Variants in PREX2 observed in about 807,000 individuals in gnomAD.
The protein encoded by PREX2 is phosphatidylinositol-3,4,5-trisphosphate dependent Rac exchange factor 2.
In PREX2, 107 loss-of-function variants were observed where a neutral mutation model predicts 203.2. That is an observed-to-expected ratio of 0.53 (90% confidence interval 0.45 to 0.62). The LOEUF (loss-of-function observed/expected upper bound fraction) is 0.62. Ranked by LOEUF, PREX2 falls within the 20% of genes least tolerant of loss-of-function variation. PREX2 has a pLI of 0.00. For synonymous variants in PREX2, 672 were observed against 663.6 expected, an observed-to-expected ratio of 1.01 and a Z score of -0.19; for missense variants, 1,777 against 1,955.9, an observed-to-expected ratio of 0.91 and a Z score of 1.72.
intron 37 of PREX2, among the ~76,000 whole-genome samples, chr8:68,208,712 C>T (rs1188685992): frequency 6.6e-6 from 1 of 152,058 alleles, no homozygotes; most frequent in East Asian, 1.9e-4. Flanking sequence ...AACTAATCTG[C>T]CTCAGGCTTT....
At chr8:68,204,496 T>C (rs1812569851) in intron 37 of PREX2, among the ~76,000 whole-genome samples, 1 of 152,136 alleles carries the variant, frequency 6.6e-6, no homozygotes, top group South Asian at 2.1e-4. Flanking sequence ...TTCAATTCGA[T>C]TGCTTTTTTG....
chr8:67,990,226 T>A (rs2129609455), intron 1 of PREX2, among the ~76,000 whole-genome samples: 1 of 152,250 alleles, frequency 6.6e-6, no homozygotes, highest in Admixed American at 6.5e-5. Flanking sequence ...CCTCAAGTGA[T>A]CTGCCCATCT....
At chr8:68,092,064 G>A (rs1165435841) in intron 20 of PREX2, among the ~76,000 whole-genome samples, 3 of 152,128 alleles carry the variant, frequency 2.0e-5, no homozygotes, top group East Asian at 1.9e-4. Flanking sequence ...TCCCCTGTTC[G>A]TGGCCTCTGT....
chr8:67,961,454 A>G (rs1805630550), intron 1 of PREX2, among the ~76,000 whole-genome samples: 1 of 152,108 alleles, frequency 6.6e-6, no homozygotes, highest in Admixed American at 6.5e-5. Context: ...AATTTATTAA[A>G]ATTATATTAG....
chr8:68,229,974 G>A (rs1813134318), intron 39 of PREX2, among the ~76,000 whole-genome samples: 7 of 152,208 alleles, frequency 4.6e-5, no homozygotes, highest in Admixed American at 4.6e-4. Flanking sequence ...CTCTGGGAAG[G>A]ATGAAATAAG....
chr8:68,110,635 A>G (rs1230966999), intron 25 of PREX2, among the ~76,000 whole-genome samples: 1 of 152,178 alleles, frequency 6.6e-6, no homozygotes, highest in Non-Finnish European at 1.5e-5. Context: ...ATCATCCTGT[A>G]CTTCATGGAT....
At chr8:68,106,241 G>A in intron 23 of PREX2, 1 of 479,486 alleles carries the variant, frequency 2.1e-6, no homozygotes, top group Non-Finnish European at 4.0e-6. Flanking sequence ...TGCCATGGGT[G>A]CCTTGTGAGA....
chr8:68,149,512 C>T (rs1811391899), intron 34 of PREX2, among the ~76,000 whole-genome samples: 1 of 152,112 alleles, frequency 6.6e-6, no homozygotes, highest in African/African-American at 2.4e-5. Flanking sequence ...TAAGTGCTTC[C>T]TACAGGACAG....
At chr8:68,094,801 A>G (rs1406902843) in intron 21 of PREX2, among the ~76,000 whole-genome samples, 1 of 152,250 alleles carries the variant, frequency 6.6e-6, no homozygotes, top group Non-Finnish European at 1.5e-5. Flanking sequence ...TTGTAAAGCC[A>G]GGTGTTAGCA....
chr8:68,220,617 G>A (rs1381020719), intron 38 of PREX2, among the ~76,000 whole-genome samples: 3 of 152,106 alleles, frequency 2.0e-5, no homozygotes, highest in Non-Finnish European at 4.4e-5. Flanking sequence ...GCACAAGCAA[G>A]CAAGTTTCTC....
chr8:68,223,638 C>T (rs932771877), intron 38 of PREX2, among the ~76,000 whole-genome samples: 25 of 152,004 alleles, frequency 1.6e-4, no homozygotes, highest in Non-Finnish European at 2.5e-4. Context: ...TTTTCCAAAC[C>T]CCAAACTCTG....
At chr8:68,204,485 C>T (rs1812569602) in intron 37 of PREX2, among the ~76,000 whole-genome samples, 1 of 151,954 alleles carries the variant, frequency 6.6e-6, no homozygotes, top group South Asian at 2.1e-4. Flanking sequence ...AAATGCATCC[C>T]TTCAATTCGA....
chr8:68,082,305 A>G (rs559211630), intron 17 of PREX2: 3 of 152,266 alleles, frequency 2.0e-5, no homozygotes, highest in African/African-American at 7.2e-5. Flanking sequence ...TATGGTATTT[A>G]CCTTTGAACC....
chr8:68,128,721 G>A (rs1322794312), intron 31 of PREX2, among the ~76,000 whole-genome samples: 1 of 152,156 alleles, frequency 6.6e-6, no homozygotes, highest in Non-Finnish European at 1.5e-5. Context: ...ACTGGCCCCA[G>A]CATGTAACTG....
intron 26 of PREX2, among the ~76,000 whole-genome samples, chr8:68,117,734 T>C (rs1157705071): frequency 6.6e-6 from 1 of 152,222 alleles, no homozygotes; most frequent in Non-Finnish European, 1.5e-5. Flanking sequence ...ATATTGAACC[T>C]TTCTTTCCTT....
chr8:68,050,943 G>A (rs1262519718), intron 8 of PREX2, among the ~76,000 whole-genome samples: 1 of 152,124 alleles, frequency 6.6e-6, no homozygotes, highest in South Asian at 2.1e-4. Flanking sequence ...AAAATAGAAC[G>A]AGTGTTTAGA....
At chr8:68,189,992 C>G (rs149863078) in intron 35 of PREX2, among the ~76,000 whole-genome samples, 1 of 152,170 alleles carries the variant, frequency 6.6e-6, no homozygotes, top group East Asian at 1.9e-4. Flanking sequence ...TTGAATAATC[C>G]ATGTTACTTT....
chr8:68,118,691 T>C (rs1324912406), intron 27 of PREX2, 47 bp downstream of exon 27: 12 of 1,299,140 alleles, frequency 9.2e-6, no homozygotes, highest in Non-Finnish European at 3.4e-6. Flanking sequence ...ATTAGTCCTA[T>C]AGGAGATAAC....
At chr8:68,115,185 G>A (rs192213893) in intron 25 of PREX2, among the ~76,000 whole-genome samples, 25 of 151,772 alleles carry the variant, frequency 1.6e-4, no homozygotes, top group African/African-American at 4.1e-4. Context: ...GCGCCACCAC[G>A]CCCGGCTAAT....
Sources: allele counts gnomAD v4.1 joint callset (sites outside exome capture counted in the v4.1 genomes callset), GRCh38; gene constraint gnomAD v4.1.1; transcripts MANE v1.5; gene names NCBI Gene and HGNC (gene_info 2026-07-23, HGNC 2026-07-21).